Variants in ITGA9 observed in about 807,000 individuals in gnomAD.
The protein encoded by ITGA9 is integrin subunit alpha 9.
ITGA9 carries 56 observed loss-of-function variants against 127.8 expected under a neutral mutation model. The ratio of observed to expected loss-of-function variants is 0.44; its 90% CI spans 0.35 to 0.55. ITGA9 has a LOEUF of 0.55. Among genes scored for constraint, ITGA9 ranks in the 20% least tolerant of loss-of-function variants. The probability of loss-of-function intolerance (pLI) is 0.00; values close to 1 mark genes in which losing one functional copy is unlikely to be tolerated. For missense variants in ITGA9, 1,196 were observed against 1,347.1 expected, an observed-to-expected ratio of 0.89 and a Z score of 1.76; for synonymous variants, 508 against 514.5, an observed-to-expected ratio of 0.99 and a Z score of 0.17.
At chr3:37,662,851 G>A (rs898597410) in intron 17 of ITGA9, among the ~76,000 whole-genome samples, 1 of 152,142 alleles carries the variant, frequency 6.6e-6, no homozygotes, top group Non-Finnish European at 1.5e-5. Flanking sequence ...TGGTGTTGTG[G>A]CTGGAGGCCT....
intron 17 of ITGA9, among the ~76,000 whole-genome samples, chr3:37,675,834 C>T (rs760437226): frequency 6.9e-6 from 1 of 145,722 alleles, no homozygotes; most frequent in Non-Finnish European, 1.5e-5. Flanking sequence ...ATTTCTGCCT[C>T]CCGGGTTCCA....
intron 6 of ITGA9, 72 bp downstream of exon 6, chr3:37,503,379 G>C (rs1444451628): frequency 1.9e-6 from 3 of 1,557,688 alleles, no homozygotes; most frequent in Non-Finnish European, 8.8e-7. Context: ...ACAAATTATT[G>C]CTTCATTGTT....
Position 37,533,351 on chromosome 3 carries a change from C to A in ITGA9, c.1411C>A (p.Leu471Ile). The A allele has an allele frequency of 6.2e-7, 1 of 1,614,200 alleles. No individual in the cohort carries two copies. The highest frequency in any genetic ancestry group is 8.5e-7 in the Non-Finnish European group (1 of 1,180,030). ...CATTACGGTGGATGTCTCCATCTTC[C>A]TCCCGGGCTCCATCAACATCACAGC... ...PVITVDVSIF[L>I]PGSINITAPQ... The change falls in exon 14 of 28, where the codon CTC becomes ATC. Residue 471 changes from leucine to isoleucine, a missense_variant. By Grantham distance (5) the Leu-to-Ile change is conservative (BLOSUM62 2). Transcript: ENST00000264741.
intron 18 of ITGA9, among the ~76,000 whole-genome samples, chr3:37,717,189 C>G (rs193202968): frequency 6.6e-6 from 1 of 152,304 alleles, no homozygotes; most frequent in Admixed American, 6.5e-5. Flanking sequence ...TACTCACATA[C>G]CTCCACACCT....
intron 20 of ITGA9, among the ~76,000 whole-genome samples, chr3:37,740,083 C>T (rs1458798034): frequency 1.3e-5 from 2 of 152,148 alleles, no homozygotes; most frequent in Non-Finnish European, 2.9e-5. Flanking sequence ...ACCATTGTTT[C>T]AGAACAATAG....
Position 37,629,499 on chromosome 3 carries a change from AAT to A in ITGA9, c.1839+165_1839+166del, listed in dbSNP as rs1700209858. On this transcript the variant is annotated intron_variant, in intron 16 of 27. Coordinates refer to ENST00000264741, the MANE Select transcript of ITGA9 (RefSeq NM_002207.3). The surrounding 1 kb of genome is among the most constrained non-coding windows in gnomAD (Gnocchi z 4.5). ...CCTTTTCTGATCTGCAAAATGATAAAATAAACAGTCTTAGGGGTTACTTGTGA... is the reference window on the plus strand; with the variant it reads ...CCTTTTCTGATCTGCAAAATGATAAAAAACAGTCTTAGGGGTTACTTGTGA... 4.1e-6 allele frequency: 2 copies of A among 490,338 alleles called. No homozygotes were observed. The highest frequency in any genetic ancestry group is 7.1e-6 in the Non-Finnish European group (2 of 281,272). 30.4% of individuals were successfully genotyped at this position (490,338 alleles called of 1,614,324 possible).
chr3:37,779,954 C>T lies in ITGA9; in HGVS notation c.2720C>T (p.Ala907Val). Residue 907 changes from alanine to valine, a missense_variant, in exon 25 of 28, where the codon GCT becomes GTT. Coordinates refer to ENST00000264741, the MANE Select transcript of ITGA9 (RefSeq NM_002207.3). ...CTAACAGCACACTGTAACTTTAGTG[C>T]TCTTGCTAAAGAAGAAAGTCGTACT... The part of the protein sequence containing the change: ...SCLTAHCNFS[A>V]LAKEESRTID... 2 of 1,613,290 alleles carry T rather than the reference C, an allele frequency of 1.2e-6. No homozygotes were observed. The highest frequency in any genetic ancestry group is 1.7e-6 in the Non-Finnish European group (2 of 1,179,236).
intron 3 of ITGA9, among the ~76,000 whole-genome samples, chr3:37,481,011 C>G (rs1698546278): frequency 6.6e-6 from 1 of 152,190 alleles, no homozygotes; most frequent in Non-Finnish European, 1.5e-5. Flanking sequence ...CCTTGGCCGC[C>G]TCTTTGATCT....
chr3:37,678,049 A>G (rs1700699107), intron 17 of ITGA9, among the ~76,000 whole-genome samples: 1 of 152,168 alleles, frequency 6.6e-6, no homozygotes, highest in Non-Finnish European at 1.5e-5. Flanking sequence ...TATGTGTAGT[A>G]CATCTGGTTT....
intron 4 of ITGA9, among the ~76,000 whole-genome samples, chr3:37,486,422 A>G (rs1698610822): frequency 6.6e-6 from 1 of 152,242 alleles, no homozygotes; most frequent in African/African-American, 2.4e-5. Flanking sequence ...GCCCTCATCT[A>G]TAAAATGGGG....
At chr3:37,737,628 G>A (rs1559583256) in intron 20 of ITGA9, among the ~76,000 whole-genome samples, 2 of 152,308 alleles carry the variant, frequency 1.3e-5, no homozygotes, top group African/African-American at 4.8e-5. Flanking sequence ...GATCCAGCAT[G>A]CCTTGAAGCA....
rs565086460 is a variant in ITGA9, at chr3:37,823,456, T to G, written c.*4467T>G. On this transcript the variant is annotated 3_prime_UTR_variant, in exon 28 of 28. Coordinates refer to ENST00000264741, the MANE Select transcript of ITGA9 (RefSeq NM_002207.3). ...TGATTCACTTGCACTGTTTGGGAAA[T>G]GTCAGGTTTACAAAAACATACATGT... 2 of 152,182 alleles carry G rather than the reference T, an allele frequency of 1.3e-5. No individual in the cohort carries two copies. Among genetic ancestry groups the G allele is most frequent in the East Asian group, 3.9e-4 (2 of 5,190 alleles). The allele number at this position is 152,182 out of a possible 1,614,324, so 9.4% of individuals were successfully genotyped here. A position where few individuals can be genotyped will look rare whatever the true frequency, so the allele number is the denominator to read the frequency against.
Position 37,519,267 on chromosome 3 carries a change from C to G in ITGA9, c.1149C>G (p.Ala383=). Reference sequence around the variant, plus strand: ...CTGTTTTTTTACCCTCAGATGTGGCCATTGGTGCACCCAAGGAGGATGACT... The same window carrying G: ...CTGTTTTTTTACCCTCAGATGTGGCGATTGGTGCACCCAAGGAGGATGACT... ...DLDNDGFPDV[A]IGAPKEDDFA... Residue 383 remains alanine, a synonymous_variant, in exon 11 of 28, where the codon GCC becomes GCG. Transcript: ENST00000264741. 6.2e-7 allele frequency: 1 copy of G among 1,613,812 alleles called. No homozygotes were observed. Among genetic ancestry groups the G allele is most frequent in the Non-Finnish European group, 8.5e-7 (1 of 1,179,780 alleles).
chr3:37,741,937 C>T, intron 21 of ITGA9, 118 bp downstream of exon 21: 1 of 770,924 alleles, frequency 1.3e-6, no homozygotes, highest in Non-Finnish European at 2.3e-6. Flanking sequence ...CCTCCACTTC[C>T]TCCCAGCCTT....
At chr3:37,765,263 G>A (rs1696767332) in intron 23 of ITGA9, among the ~76,000 whole-genome samples, 1 of 152,058 alleles carries the variant, frequency 6.6e-6, no homozygotes, top group African/African-American at 2.4e-5. Flanking sequence ...CCATGGCAGA[G>A]GTTGCCTTAA....
chr3:37,512,502 A>T (rs1698943204), intron 8 of ITGA9, among the ~76,000 whole-genome samples: 3 of 151,758 alleles, frequency 2.0e-5, no homozygotes, highest in African/African-American at 7.3e-5. Flanking sequence ...GTGAGTCACC[A>T]TGCCCGGCCT....
At chr3:37,574,984 T>C (rs1297369464) in intron 15 of ITGA9, among the ~76,000 whole-genome samples, 1 of 152,186 alleles carries the variant, frequency 6.6e-6, no homozygotes, top group East Asian at 1.9e-4. Context: ...AGAGTATATT[T>C]CCTTGGAGGC....
chr3:37,518,849 A>G (rs1699014792), intron 10 of ITGA9, among the ~76,000 whole-genome samples: 1 of 137,196 alleles, frequency 7.3e-6, no homozygotes, highest in Admixed American at 8.2e-5. Flanking sequence ...CAGTGGCACA[A>G]TCTCAGCTCA....
At chr3:37,754,751 A>G (rs1157650109) in intron 23 of ITGA9, among the ~76,000 whole-genome samples, 5 of 152,186 alleles carry the variant, frequency 3.3e-5, no homozygotes, top group Non-Finnish European at 5.9e-5. Context: ...ATATTTTAGT[A>G]AACTGTAAAA....
Sources: gnomAD v4.1 joint callset for allele counts (sites outside exome capture counted in the v4.1 genomes callset) on GRCh38, gnomAD v4.1.1 for gene constraint, Gnocchi (gnomAD v3.1) non-coding constraint, MANE v1.5 for transcripts, NCBI Gene and HGNC (gene_info 2026-07-23, HGNC 2026-07-21) for gene names.